The following TEX9 variants were observed in gnomAD, a reference collection of about 807,000 sequenced individuals.
TEX9 encodes testis expressed 9.
TEX9 carries 74 observed loss-of-function variants against 59.6 expected under a neutral mutation model. The ratio of observed to expected loss-of-function variants is 1.24; its 90% CI spans 1.03 to 1.51. The LOEUF (loss-of-function observed/expected upper bound fraction) is 1.51, where lower values mean the gene tolerates loss of function less well. Among genes scored for constraint, TEX9 ranks in the 40% most tolerant of loss-of-function variants. The pLI is 0.00. For missense variants in TEX9, 522 were observed against 447.8 expected, an observed-to-expected ratio of 1.17 and a Z score of -1.49; for synonymous variants, 186 against 152.2, an observed-to-expected ratio of 1.22 and a Z score of -1.64.
Position 56,320,592 on chromosome 15 carries a change from A to G in TEX9, c.-106-52849A>G, listed in dbSNP as rs150241003. ...TGTTTCTTCTAAGGACACTATTTCT[A>G]TCAGATCAGGGTCCAATCCCTGTGA... On this transcript the variant is annotated intron_variant, in intron 1 of 5. Transcript: ENST00000560827. Among the ~76,000 whole-genome samples the G allele has an allele frequency of 8.7e-4, 132 of 152,320 alleles. 1 individual carries two copies. Among genetic ancestry groups the G allele is most frequent in the African/African-American group, 2.9e-3 (122 of 41,564 alleles).
At chr15:56,324,793 C>A (rs977637798) in intron 1 of TEX9, among the ~76,000 whole-genome samples, 2 of 152,182 alleles carry the variant, frequency 1.3e-5, no homozygotes, top group Non-Finnish European at 2.9e-5. Flanking sequence ...CTCTTTCATG[C>A]AAGTTACTTG....
chr15:56,252,006 C>T (rs146746344), intron 1 of TEX9, among the ~76,000 whole-genome samples: 1 of 152,250 alleles, frequency 6.6e-6, no homozygotes, highest in Non-Finnish European at 1.5e-5. Context: ...TGATTTTCTC[C>T]TCCCCCAGAG....
intron 1 of TEX9, among the ~76,000 whole-genome samples, chr15:56,327,950 C>A (rs1380326251): frequency 2.6e-5 from 4 of 152,104 alleles, no homozygotes; most frequent in African/African-American, 9.7e-5. Context: ...TAGTGCTGAA[C>A]TGGGCTTGAG....
At chr15:56,343,672 G>T (rs1279058192) in intron 1 of TEX9, among the ~76,000 whole-genome samples, 1 of 151,972 alleles carries the variant, frequency 6.6e-6, no homozygotes, top group Non-Finnish European at 1.5e-5. Context: ...AACACATTTT[G>T]CCATCAAGAT....
rs1269815623 is a variant in TEX9, at chr15:56,309,848, TAGTG to T, written c.-106-63590_-106-63587del. ...GAGAATGAGAGAGTGGGAGGGGAAA[TAGTG>T]AGAGCTTGAGTAGAGTCAGGGAAGT... On this transcript the variant is annotated intron_variant, in intron 1 of 5. Transcript: ENST00000560827. 9.9e-5 allele frequency among the ~76,000 whole-genome samples: 15 copies of T among 151,044 alleles called. No homozygotes were observed. In the East Asian group the frequency reaches 2.9e-3, roughly 29 times the overall value.
At chr15:56,272,761 T>G (rs2044568218) in intron 1 of TEX9, among the ~76,000 whole-genome samples, 1 of 152,164 alleles carries the variant, frequency 6.6e-6, no homozygotes. Flanking sequence ...AACATACTCT[T>G]TTATTTAGTT....
At chr15:56,443,817 G>T (rs185005213) in intron 12 of TEX9, 7 of 1,605,336 alleles carry the variant, frequency 4.4e-6, no homozygotes, top group East Asian at 2.2e-5. Context: ...ATATACCTTC[G>T]CATTGCATTC....
chr15:56,424,687 T>C lies in TEX9; in HGVS notation c.964-2918T>C, dbSNP rs546077300. ...TTACTGGTGTCACAAATTACATCTTTAGGTTATGTACCCATTAACAAAGAT... is the reference window on the plus strand; with the variant it reads ...TTACTGGTGTCACAAATTACATCTTCAGGTTATGTACCCATTAACAAAGAT... On this transcript the variant is annotated intron_variant, in intron 10 of 12. Transcript: ENST00000352903. Among the ~76,000 whole-genome samples the C allele has an allele frequency of 2.5e-4, 38 of 152,274 alleles. No homozygotes were observed. In the South Asian group the frequency reaches 7.7e-3, roughly 31 times the overall value.
chr15:56,409,579 C>T lies in TEX9; in HGVS notation c.829-2723C>T, dbSNP rs146395154. 9.7e-3 allele frequency among the ~76,000 whole-genome samples: 1,470 copies of T among 152,320 alleles called. 11 individuals are homozygous for T. Among genetic ancestry groups the T allele is most frequent in the Non-Finnish European group, 0.015 (987 of 68,024 alleles). The stretch of plus-strand genomic sequence containing the variant: ...ACAGTGGTGCAATCATGGCTTACTA[C>T]AGCCTTGACCTCCCCAGCTCAAGCA... On this transcript the variant is annotated intron_variant, in intron 9 of 12. Transcript: ENST00000352903.
downstream of TEX9, among the ~76,000 whole-genome samples, chr15:56,447,907 G>C (rs1239421411): frequency 4.6e-5 from 7 of 152,000 alleles, no homozygotes; most frequent in Admixed American, 1.3e-4. Context: ...CATAGTGCAG[G>C]TACCATTTTT....
At chr15:56,392,602 T>G (rs2048268388) in intron 7 of TEX9, among the ~76,000 whole-genome samples, 1 of 151,950 alleles carries the variant, frequency 6.6e-6, no homozygotes, top group African/African-American at 2.4e-5. Context: ...ATCTTTAAAA[T>G]TCTCTGATTC....
chr15:56,293,732 T>C (rs2045152742), intron 1 of TEX9, among the ~76,000 whole-genome samples: 1 of 152,212 alleles, frequency 6.6e-6, no homozygotes, highest in Admixed American at 6.5e-5. Flanking sequence ...AAAACTCTGG[T>C]TACCAAAGGT....
intron 1 of TEX9, among the ~76,000 whole-genome samples, chr15:56,339,239 C>T (rs2718908): frequency 0.35 from 53,140 of 150,678 alleles, 10,619 homozygotes; most frequent in Non-Finnish European, 0.45. Flanking sequence ...AAAAATTAGC[C>T]GGGTGTGGTG....
intron 1 of TEX9, among the ~76,000 whole-genome samples, chr15:56,324,690 C>G (rs2045983682): frequency 6.6e-6 from 1 of 152,090 alleles, no homozygotes; most frequent in African/African-American, 2.4e-5. Flanking sequence ...CTTAGAATTC[C>G]AATTAATTCT....
intron 1 of TEX9, among the ~76,000 whole-genome samples, chr15:56,301,478 C>T (rs1265623951): frequency 1.3e-5 from 2 of 151,678 alleles, no homozygotes; most frequent in Non-Finnish European, 2.9e-5. Flanking sequence ...AAGAAGACTA[C>T]CAAAAGGTGT....
chr15:56,368,003 T>C (rs540069388), intron 2 of TEX9, among the ~76,000 whole-genome samples: 7 of 152,298 alleles, frequency 4.6e-5, no homozygotes, highest in African/African-American at 1.7e-4. Flanking sequence ...ACATTCTCTC[T>C]TTTTCTCTGT....
chr15:56,289,696 G>A (rs1212524187), intron 1 of TEX9, among the ~76,000 whole-genome samples: 1 of 152,114 alleles, frequency 6.6e-6, no homozygotes, highest in Non-Finnish European at 1.5e-5. Context: ...CACTTGCAGT[G>A]GCAGTGGCAC....
At chr15:56,350,761 G>T (rs1030579283) in intron 1 of TEX9, among the ~76,000 whole-genome samples, 7 of 152,124 alleles carry the variant, frequency 4.6e-5, no homozygotes, top group African/African-American at 1.7e-4. Flanking sequence ...TGACTAAAGT[G>T]ACAGTGGTCA....
intron 1 of TEX9, among the ~76,000 whole-genome samples, chr15:56,281,028 T>C (rs1213238643): frequency 1.3e-5 from 2 of 152,106 alleles, no homozygotes; most frequent in Admixed American, 1.3e-4. Flanking sequence ...TTTTCACTAA[T>C]GGGTAAGAAA....
Sources: gnomAD v4.1 joint callset for allele counts (sites outside exome capture counted in the v4.1 genomes callset) on GRCh38, gnomAD v4.1.1 for gene constraint, MANE v1.5 for transcripts, NCBI Gene and HGNC (gene_info 2026-07-23, HGNC 2026-07-21) for gene names.